IL1RAPL1: variants seen among roughly 807,000 people sequenced by gnomAD.
IL1RAPL1 encodes interleukin-1 receptor accessory protein-like 1.
IL1RAPL1 carries 3 observed loss-of-function variants against 48.4 expected under a neutral mutation model. The observed-to-expected ratio is 0.06, with a 90% CI of 0.03 to 0.16. The LOEUF is 0.16. IL1RAPL1 is among the 10% of genes least tolerant of loss of function. IL1RAPL1 has a pLI of 1.00. For missense variants in IL1RAPL1, 349 were observed against 530.6 expected (o/e 0.66, Z 3.36); for synonymous variants, 185 against 187.7 (o/e 0.99, Z 0.12).
At chrX:28,630,274 C>A (rs931057706) in intron 1 of IL1RAPL1, among the ~76,000 whole-genome samples, 9 of 111,517 alleles carry the variant, frequency 8.1e-5, no homozygotes, top group African/African-American at 2.9e-4. Flanking sequence ...CAGATAATAA[C>A]TATTTCCTTT....
chrX:29,355,315 C>T (rs1933287712), intron 3 of IL1RAPL1, among the ~76,000 whole-genome samples: 2 of 111,553 alleles, frequency 1.8e-5, no homozygotes, highest in Non-Finnish European at 3.8e-5. Context: ...TATCAAATGC[C>T]ATAGAAATAA....
intron 2 of IL1RAPL1, among the ~76,000 whole-genome samples, chrX:29,246,971 G>C (rs989394698): frequency 9.0e-6 from 1 of 111,664 alleles, no homozygotes; most frequent in Middle Eastern, 4.6e-3. Flanking sequence ...TTAATGTAAG[G>C]TGAAACACAG....
intron 2 of IL1RAPL1, among the ~76,000 whole-genome samples, chrX:28,888,047 A>G (rs1472272189): frequency 9.0e-6 from 1 of 111,118 alleles, no homozygotes; most frequent in East Asian, 2.8e-4. Context: ...GTCAGGTGCT[A>G]TTTATCCCAA....
At chrX:28,749,917 GA>G (rs201402373) in intron 1 of IL1RAPL1, among the ~76,000 whole-genome samples, 5 of 84,004 alleles carry the variant, frequency 6.0e-5, no homozygotes, top group African/African-American at 2.7e-4. Flanking sequence ...AAAAAAGAAA[GA>G]AAAAAAAAGA....
chrX:29,934,705 CAACAT>C (rs1437359642), intron 8 of IL1RAPL1, among the ~76,000 whole-genome samples: 5 of 111,663 alleles, frequency 4.5e-5, no homozygotes, highest in African/African-American at 1.6e-4. Context: ...CACACACACA[CAACAT>C]ATCATTGCTA....
chrX:29,611,124 A>G (rs1924079028), intron 5 of IL1RAPL1, among the ~76,000 whole-genome samples: 1 of 112,419 alleles, frequency 8.9e-6, no homozygotes, highest in Non-Finnish European at 1.9e-5. Context: ...AAAAATCCAC[A>G]TTCTATAGAG....
At chrX:29,819,821 A>G (rs1241681863) in intron 6 of IL1RAPL1, among the ~76,000 whole-genome samples, 1 of 104,683 alleles carries the variant, frequency 9.6e-6, no homozygotes, top group Non-Finnish European at 1.9e-5. Context: ...GCTCTACTAT[A>G]TTTAAGAGTG....
chrX:29,805,304 A>C, intron 6 of IL1RAPL1, among the ~76,000 whole-genome samples: 1 of 111,453 alleles, frequency 9.0e-6, no homozygotes, highest in Non-Finnish European at 1.9e-5. Flanking sequence ...GGAAATATTA[A>C]ACATTTTATC....
At chrX:29,468,962 A>G (rs1440488302) in intron 5 of IL1RAPL1, among the ~76,000 whole-genome samples, 1 of 111,914 alleles carries the variant, frequency 8.9e-6, no homozygotes, top group East Asian at 2.8e-4. Flanking sequence ...GCCATGTAGC[A>G]TTGGCACCTC....
intron 2 of IL1RAPL1, among the ~76,000 whole-genome samples, chrX:28,943,406 C>T (rs1332206778): frequency 9.1e-6 from 1 of 109,696 alleles, no homozygotes; most frequent in African/African-American, 3.3e-5. Flanking sequence ...TGGTTATGAA[C>T]ATAAGAATAA....
intron 3 of IL1RAPL1, among the ~76,000 whole-genome samples, chrX:29,315,127 A>G (rs1041931979): frequency 1.2e-4 from 13 of 112,034 alleles, no homozygotes; most frequent in Admixed American, 1.1e-3. Context: ...AAAACTATGT[A>G]CAAAGGCTAG....
chrX:29,795,611 G>T (rs1929725000), intron 6 of IL1RAPL1, among the ~76,000 whole-genome samples: 1 of 112,446 alleles, frequency 8.9e-6, no homozygotes, highest in Non-Finnish European at 1.9e-5. Flanking sequence ...GGTTTGTGCT[G>T]TGTTGCCCAG....
rs902016594 is a variant in IL1RAPL1 at position 29,396,429 on chromosome X, A to T, written c.534A>T (p.Glu178Asp). 2.5e-6 allele frequency: 3 copies of T among 1,210,430 alleles called. No individual in the cohort carries two copies. The highest frequency in any genetic ancestry group is 3.4e-6 in the Non-Finnish European group (3 of 894,038). ...TTCTACTGCCAACCAGAGAACCTGA[A>T]ATCCTTTGGTACAAGGTATGGACTG... ...EDFLLPTREP[E>D]ILWYKECRTK... The change falls in exon 4 of 11, where the codon GAA (glutamate) becomes GAT (aspartate). Residue 178 changes from glutamate to aspartate, a missense_variant. Transcript: ENST00000378993.
chrX:29,273,361 G>A (rs941141537), intron 2 of IL1RAPL1, among the ~76,000 whole-genome samples: 2 of 111,201 alleles, frequency 1.8e-5, no homozygotes, highest in Non-Finnish European at 3.8e-5. Context: ...TATAAGGTGG[G>A]TTTCAACTGG....
At chrX:29,693,247 G>C (rs1450645558) in intron 6 of IL1RAPL1, among the ~76,000 whole-genome samples, 1 of 112,190 alleles carries the variant, frequency 8.9e-6, no homozygotes, top group Non-Finnish European at 1.9e-5. Flanking sequence ...CCTTCTGGAG[G>C]TTCTGCATTG....
intron 6 of IL1RAPL1, among the ~76,000 whole-genome samples, chrX:29,679,196 A>T (rs1165454151): frequency 7.2e-5 from 8 of 111,866 alleles, no homozygotes; most frequent in Admixed American, 2.9e-4. Flanking sequence ...AAAATTTGAG[A>T]TTATTACCAC....
chrX:29,482,363 T>C (rs1835827801), intron 5 of IL1RAPL1, among the ~76,000 whole-genome samples: 1 of 111,980 alleles, frequency 8.9e-6, no homozygotes, highest in Admixed American at 9.5e-5. Context: ...TTAACCTCCC[T>C]GTATCTTATA....
At chrX:28,612,631 C>T (rs186665843) in intron 1 of IL1RAPL1, among the ~76,000 whole-genome samples, 1 of 111,834 alleles carries the variant, frequency 8.9e-6, no homozygotes, top group Admixed American at 9.5e-5. Flanking sequence ...GGCAAGGACA[C>T]TATTATTACA....
At chrX:29,072,258 T>G (rs902332424) in intron 2 of IL1RAPL1, among the ~76,000 whole-genome samples, 2 of 111,060 alleles carry the variant, frequency 1.8e-5, no homozygotes, top group African/African-American at 3.3e-5. Context: ...GACTCGTCAT[T>G]GTTGTTTTAT....
Sources: allele counts gnomAD v4.1 joint callset (sites outside exome capture counted in the v4.1 genomes callset), GRCh38; gene constraint gnomAD v4.1.1; transcripts MANE v1.5; gene names NCBI Gene and HGNC (gene_info 2026-07-23, HGNC 2026-07-21).